PCDHGB5: variants seen among roughly 807,000 people sequenced by gnomAD.
The protein encoded by PCDHGB5 is protocadherin gamma-B5.
A neutral mutation model predicts 62.9 loss-of-function variants in PCDHGB5; 48 were observed. That is an observed-to-expected ratio of 0.76 (90% confidence interval 0.61 to 0.97). The LOEUF (loss-of-function observed/expected upper bound fraction) is 0.97, where lower values mean the gene tolerates loss of function less well. Ranked by LOEUF, PCDHGB5 falls within the 50% of genes least tolerant of loss-of-function variation. The pLI is 0.00. For synonymous variants in PCDHGB5, 474 were observed against 511.2 expected (o/e 0.93, Z 0.98); for missense variants, 1,118 against 1,198.6 (o/e 0.93, Z 0.99).
chr5:141,405,273 A>G (rs762280864), intron 1 of PCDHGB5: 5 of 1,613,974 alleles, frequency 3.1e-6, no homozygotes, highest in African/African-American at 2.7e-5. Context: ...CCCCAGCCCA[A>G]CTATGCAGAC....
At chr5:141,426,174 G>A (rs1213063298) in intron 1 of PCDHGB5, 1 of 155,354 alleles carries the variant, frequency 6.4e-6, no homozygotes, top group Non-Finnish European at 1.4e-5. Flanking sequence ...ACGGATTGGG[G>A]TGCCCTCAAA....
chr5:141,416,441 T>C (rs2096024396), intron 1 of PCDHGB5: 1 of 152,162 alleles, frequency 6.6e-6, no homozygotes, highest in Non-Finnish European at 1.5e-5. Flanking sequence ...TGAAAGTAAA[T>C]ATGGGTTGGG....
At chr5:141,404,381 T>A (rs762394525) in intron 1 of PCDHGB5, 5 of 1,613,954 alleles carry the variant, frequency 3.1e-6, no homozygotes, top group Middle Eastern at 1.6e-4. Context: ...CGTGATTGCC[T>A]ATGACCCTGA....
chr5:141,455,876 TTTA>T (rs1271603055), intron 1 of PCDHGB5, among the ~76,000 whole-genome samples: 2 of 146,624 alleles, frequency 1.4e-5, no homozygotes, highest in Non-Finnish European at 1.5e-5. Context: ...TATTTATTTA[TTTA>T]TTTATTTATT....
In PCDHGB5 at chr5:141,485,457, T is replaced by G; in HGVS notation, c.2398-9350T>G. 1 of 1,614,124 alleles carries G rather than the reference T, an allele frequency of 6.2e-7. No individual in the cohort carries two copies. Among genetic ancestry groups the G allele is most frequent in the Non-Finnish European group, 8.5e-7 (1 of 1,180,020 alleles). On this transcript the variant is annotated intron_variant, in intron 1 of 3. Coordinates refer to ENST00000617380, the MANE Select transcript of PCDHGB5 (RefSeq NM_018925.3). This position sits in a 1 kb window ranked among gnomAD's most constrained non-coding sequence, Gnocchi z 5.7. ...AAGAACCCAATCGACCGAGAGGCAC[T>G]GTGTGGGCTCAGTGCCAGCTGCATC...
chr5:141,491,034 T>A lies in PCDHGB5; in HGVS notation c.2398-3773T>A. On this transcript the variant is annotated intron_variant, in intron 1 of 3. Coordinates refer to ENST00000617380, the MANE Select transcript of PCDHGB5 (RefSeq NM_018925.3). This position sits in a 1 kb window ranked among gnomAD's most constrained non-coding sequence, Gnocchi z 6.9. ...CCAAGGTGACAGCCGTGGATGCTGA[T>A]GCAGGCCACAATGCGTGGCTCTCCT... 1 of 1,614,170 alleles carries A rather than the reference T, an allele frequency of 6.2e-7. No individual in the cohort carries two copies. Among genetic ancestry groups the A allele is most frequent in the African/African-American group, 1.3e-5 (1 of 75,074 alleles).
At position 141,487,370 on chromosome 5, in the gene PCDHGB5, T is replaced by C; in HGVS notation, c.2398-7437T>C. 6.2e-7 allele frequency: 1 copy of C among 1,614,232 alleles called. No individual in the cohort carries two copies. Among genetic ancestry groups the C allele is most frequent in the South Asian group, 1.1e-5 (1 of 91,080 alleles). On this transcript the variant is annotated intron_variant, in intron 1 of 3. Transcript: ENST00000617380. The surrounding 1 kb of genome is among the most constrained non-coding windows in gnomAD (Gnocchi z 5.0). ...ATGCTTTCCTGCTGGCACCTGTGCC[T>C]GTCTCACCAGATCTCGAAGGAGGGA... is the stretch of plus-strand genomic sequence containing the variant.
chr5:141,418,928 A>G, intron 1 of PCDHGB5: 1 of 1,613,978 alleles, frequency 6.2e-7, no homozygotes, highest in Non-Finnish European at 8.5e-7. Context: ...TGATCAGATT[A>G]TGGAGGATTC....
intron 1 of PCDHGB5, chr5:141,422,327 T>C (rs1561800795): frequency 1.3e-6 from 2 of 1,548,652 alleles, no homozygotes; most frequent in African/African-American, 2.8e-5. Context: ...GGTACAGTGA[T>C]TGCTCTTCTA....
At chr5:141,502,953 C>G (rs145774277) in intron 2 of PCDHGB5, among the ~76,000 whole-genome samples, 1,594 of 147,762 alleles carry the variant, frequency 0.011, 24 homozygotes, top group African/African-American at 0.037. Context: ...AAGCGATTCT[C>G]CTGCCTCAGC....
chr5:141,491,284 A>C lies in PCDHGB5; in HGVS notation c.2398-3523A>C. ...AATGCCCAAATCCAGTGACTTCCTC[A>C]TACACCCTCCTGAGCGTTCAGACCT... On this transcript the variant is annotated intron_variant, in intron 1 of 3. Transcript: ENST00000617380. The surrounding 1 kb of genome is among the most constrained non-coding windows in gnomAD (Gnocchi z 6.9). 1.2e-6 allele frequency: 2 copies of C among 1,614,128 alleles called. No homozygotes were observed. The highest frequency in any genetic ancestry group is 1.7e-6 in the Non-Finnish European group (2 of 1,179,978).
rs1201654822 is a variant in PCDHGB5, at chr5:141,476,876, C to T, written c.2398-17931C>T. ...CCAGTCCTTGTACCGGGCGCGCGTC[C>T]TGGAGGATGCACCCTCCGGCACGCG... On this transcript the variant is annotated intron_variant, in intron 1 of 3. Transcript: ENST00000617380. The surrounding 1 kb of genome is among the most constrained non-coding windows in gnomAD (Gnocchi z 7.6). 6.2e-7 allele frequency: 1 copy of T among 1,613,876 alleles called. No homozygotes were observed. The highest frequency in any genetic ancestry group is 1.7e-5 in the Admixed American group (1 of 60,018).
At chr5:141,418,015 G>T (rs1385008648) in intron 1 of PCDHGB5, 1 of 1,613,964 alleles carries the variant, frequency 6.2e-7, no homozygotes, top group Non-Finnish European at 8.5e-7. Context: ...ACCTCGCTAA[G>T]GATCTAGGGC....
At chr5:141,499,606 C>T (rs2099792968) in intron 2 of PCDHGB5, among the ~76,000 whole-genome samples, 1 of 152,028 alleles carries the variant, frequency 6.6e-6, no homozygotes, top group African/African-American at 2.4e-5. Context: ...TATCCCTACC[C>T]TTATCCTGTC....
In PCDHGB5 at chr5:141,486,269, G is replaced by T; in HGVS notation, c.2398-8538G>T. 6.2e-7 allele frequency: 1 copy of T among 1,613,996 alleles called. No homozygotes were observed. The highest frequency in any genetic ancestry group is 8.5e-7 in the Non-Finnish European group (1 of 1,179,956). On this transcript the variant is annotated intron_variant, in intron 1 of 3. Transcript: ENST00000617380. The surrounding 1 kb of genome is among the most constrained non-coding windows in gnomAD (Gnocchi z 5.0). ...AACCCTCCCCGAGAGTGCAGAACCT[G>T]GCACTGTGGTGGCACTTATCAGTGT...
chr5:141,403,663 T>C (rs2094439679), intron 1 of PCDHGB5: 3 of 1,613,900 alleles, frequency 1.9e-6, no homozygotes, highest in African/African-American at 1.3e-5. Flanking sequence ...ATACAAATGA[T>C]AATGCCCCGG....
At chr5:141,451,557 G>T (rs192150041) in intron 1 of PCDHGB5, among the ~76,000 whole-genome samples, 2 of 152,234 alleles carry the variant, frequency 1.3e-5, no homozygotes, top group East Asian at 3.9e-4. Context: ...TGTGATGAAA[G>T]CCACAATCTT....
intron 3 of PCDHGB5, 134 bp downstream of exon 3, chr5:141,505,615 C>T: frequency 2.0e-6 from 3 of 1,504,946 alleles, no homozygotes; most frequent in Non-Finnish European, 1.8e-6. Flanking sequence ...TCTGAAAGGA[C>T]CCACAATTCC....
chr5:141,455,149 TTA>T (rs537241375), intron 1 of PCDHGB5, among the ~76,000 whole-genome samples: 1 of 148,248 alleles, frequency 6.7e-6, no homozygotes, highest in Non-Finnish European at 1.5e-5. Context: ...TAAATAAATA[TTA>T]GTTTGTTGGT....
Sources: allele counts gnomAD v4.1 joint callset (sites outside exome capture counted in the v4.1 genomes callset), GRCh38; gene constraint gnomAD v4.1.1; non-coding constraint Gnocchi (gnomAD v3.1); transcripts MANE v1.5; gene names NCBI Gene and HGNC (gene_info 2026-07-23, HGNC 2026-07-21).